SCN3B: variants seen among roughly 807,000 people sequenced by gnomAD.
The protein encoded by SCN3B is sodium voltage-gated channel beta subunit 3.
SCN3B carries 11 observed loss-of-function variants against 25.4 expected under a neutral mutation model. That is an observed-to-expected ratio of 0.43 (90% CI 0.27 to 0.72). The LOEUF (loss-of-function observed/expected upper bound fraction) is 0.72. Ranked by LOEUF, SCN3B falls within the 30% of genes least tolerant of loss-of-function variation. The pLI, the probability that SCN3B is intolerant of heterozygous loss-of-function variation, is 0.18. For missense variants in SCN3B, 218 were observed against 278.3 expected (o/e 0.78, Z 1.54); for synonymous variants, 109 against 110.7 (o/e 0.99, Z 0.09).
intron 4 of SCN3B, among the ~76,000 whole-genome samples, chr11:123,641,370 G>T (rs1331129008): frequency 3.9e-5 from 6 of 152,160 alleles, no homozygotes; most frequent in Non-Finnish European, 8.8e-5. Context: ...CGTCTGATCC[G>T]TTATGTCTCT....
chr11:123,633,862 T>G, intron 6 of SCN3B, 86 bp from the exon 7 acceptor site: 1 of 409,666 alleles, frequency 2.4e-6, no homozygotes, highest in East Asian at 5.3e-5. Context: ...AAGAAGGGAG[T>G]TGGAGAATCC....
Position 123,642,423 on chromosome 11 carries a change from G to A in SCN3B, c.445+23C>T. 6.2e-7 allele frequency: 1 copy of A among 1,612,048 alleles called. No individual in the cohort carries two copies. The highest frequency in any genetic ancestry group is 2.2e-5 in the East Asian group (1 of 44,870). ...TGTCCACAGAGAGCAGGACGCCCTA[G>A]AGACCCTGTGCCTCAGCCTCACCCT... On this transcript the variant is annotated intron_variant, in intron 4 of 6. Transcript: ENST00000299333. This position sits in a 1 kb window ranked among gnomAD's most constrained non-coding sequence, Gnocchi z 4.3.
chr11:123,645,855 G>A (rs1955848384), intron 2 of SCN3B, 105 bp from the exon 3 acceptor site: 1 of 1,373,702 alleles, frequency 7.3e-7, no homozygotes, highest in East Asian at 2.3e-5. Context: ...GACAGAGAAG[G>A]AAGAGTCATG....
chr11:123,649,147 A>G (rs1258103168), intron 2 of SCN3B, among the ~76,000 whole-genome samples: 1 of 152,220 alleles, frequency 6.6e-6, no homozygotes, highest in Non-Finnish European at 1.5e-5. Context: ...GTGGAGTTTG[A>G]AAGAAATGAA....
chr11:123,643,915 A>G (rs1186324153), intron 3 of SCN3B, among the ~76,000 whole-genome samples: 14 of 152,342 alleles, frequency 9.2e-5, no homozygotes, highest in Admixed American at 2.6e-4. Context: ...CAGTCTTAGT[A>G]CCAGACGGTT....
chr11:123,636,725 G>A (rs1016217196), intron 5 of SCN3B, among the ~76,000 whole-genome samples: 2 of 149,494 alleles, frequency 1.3e-5, no homozygotes, highest in African/African-American at 4.9e-5. Context: ...ATGGAGTCTC[G>A]CTCTGTCGCC....
Position 123,653,475 on chromosome 11 carries a change from GA to G in SCN3B, c.55+271del, listed in dbSNP as rs1429318078. Among the ~76,000 whole-genome samples, 21 of 152,170 alleles carry G rather than the reference GA, an allele frequency of 1.4e-4. No individual in the cohort carries two copies. The South Asian group carries it at 4.4e-3, about 32-fold the overall frequency. ...CATTTCCTTTCAGCAAAGGGAAAGG[GA>G]AAAAATACTTTGGAATGATCAGGAA... On this transcript the variant is annotated intron_variant, in intron 2 of 6. Coordinates refer to ENST00000299333, the MANE Select transcript of SCN3B (RefSeq NM_001040151.2).
chr11:123,653,732 G>C lies in SCN3B; in HGVS notation c.55+15C>G. ...CTGTTACCTGCATCCGGCATGGCGA[G>C]GTGCTGGTACTTACCCCAGTAGATA... is the stretch of plus-strand genomic sequence containing the variant. On this transcript the variant is annotated intron_variant, in intron 2 of 6. Coordinates refer to ENST00000299333, the MANE Select transcript of SCN3B (RefSeq NM_001040151.2). 1 of 1,613,936 alleles carries C rather than the reference G, an allele frequency of 6.2e-7. No homozygotes were observed. The highest frequency in any genetic ancestry group is 2.2e-5 in the East Asian group (1 of 44,884).
chr11:123,652,279 T>C (rs910942666), intron 2 of SCN3B, among the ~76,000 whole-genome samples: 3 of 152,224 alleles, frequency 2.0e-5, no homozygotes, highest in African/African-American at 7.2e-5. Context: ...GGTGAGATCA[T>C]TGGCAACATA....
At chr11:123,645,868 G>A in intron 2 of SCN3B, 118 bp from the exon 3 acceptor site, 1 of 1,248,368 alleles carries the variant, frequency 8.0e-7, no homozygotes, top group Middle Eastern at 2.1e-4. Flanking sequence ...GAGTCATGAG[G>A]CCAACCTGAA....
In SCN3B at chr11:123,653,995, C is replaced by A. The variant is rs72552157; in HGVS notation, c.-25-169G>T. 2.5e-3 allele frequency: 1,585 copies of A among 632,936 alleles called. 23 individuals are homozygous for A. In the African/African-American group the frequency reaches 0.026, roughly 10 times the overall value. 39.2% of individuals were successfully genotyped at this position (632,936 alleles called of 1,614,324 possible). A position where few individuals can be genotyped will look rare whatever the true frequency, so the allele number is the denominator to read the frequency against. On this transcript the variant is annotated intron_variant, in intron 1 of 6. Transcript: ENST00000299333. ...TTTGGAGCCGGGTGGGGGCTTTGGG[C>A]CCTAAGCGACCCCACTGGACCTCCC...
chr11:123,644,788 AGAGAGAGAGAG>A (rs1955828642), intron 3 of SCN3B, among the ~76,000 whole-genome samples: 1 of 104,870 alleles, frequency 9.5e-6, no homozygotes, highest in African/African-American at 3.5e-5. Flanking sequence ...AGAGAGAGAG[AGAGAGAGAGAG>A]AATATATATA....
In SCN3B at chr11:123,642,313, T is replaced by C. The variant is rs1485859175; in HGVS notation, c.445+133A>G. On this transcript the variant is annotated intron_variant, in intron 4 of 6. Transcript: ENST00000299333. The surrounding 1 kb of genome is among the most constrained non-coding windows in gnomAD (Gnocchi z 4.3). ...AGAAGAAGATGGGTCAATGGTGACA[T>C]TTTTAGATGTCACCATTCCAAATAC... is the stretch of plus-strand genomic sequence containing the variant. The C allele has an allele frequency of 7.0e-6, 6 of 854,264 alleles. No homozygotes were observed. Among genetic ancestry groups the C allele is most frequent in the Non-Finnish European group, 1.2e-5 (6 of 517,040 alleles). 52.9% of individuals were successfully genotyped at this position (854,264 alleles called of 1,614,324 possible). A position where few individuals can be genotyped will look rare whatever the true frequency, so the allele number is the denominator to read the frequency against.
intron 2 of SCN3B, among the ~76,000 whole-genome samples, chr11:123,648,542 T>C (rs1483681443): frequency 1.3e-5 from 2 of 152,180 alleles, no homozygotes; most frequent in Non-Finnish European, 2.9e-5. Context: ...GGAGCTTACA[T>C]TCCAATGGAG....
intron 2 of SCN3B, among the ~76,000 whole-genome samples, chr11:123,651,125 G>A (rs1230454498): frequency 1.3e-5 from 2 of 150,878 alleles, no homozygotes; most frequent in Non-Finnish European, 3.0e-5. Context: ...ATTATTTATT[G>A]TATTGTATTA....
rs769024174 is a variant in SCN3B, at chr11:123,642,527, C to T, written c.364G>A (p.Val122Met). 6.2e-7 allele frequency: 1 copy of T among 1,614,198 alleles called. No homozygotes were observed. Among genetic ancestry groups the T allele is most frequent in the East Asian group, 2.2e-5 (1 of 44,888 alleles). The change falls in exon 4 of 7, where the codon GTG (valine) becomes ATG (methionine). Residue 122 changes from valine (V) to methionine (M), a missense_variant. Transcript: ENST00000299333. The surrounding 1 kb of genome is among the most constrained non-coding windows in gnomAD (Gnocchi z 4.3). Reference protein sequence around the residue: ...LNDSGLYTCNVSREFEFEAHR... With the variant: ...LNDSGLYTCNMSREFEFEAHR... Reference sequence around the variant, plus strand: ...GCCTCAAACTCAAACTCCCGGGACACATTGCAGGTGTAGAGGCCAGAGTCG... The same window carrying T: ...GCCTCAAACTCAAACTCCCGGGACATATTGCAGGTGTAGAGGCCAGAGTCG...
At chr11:123,651,610 C>T (rs184540965) in intron 2 of SCN3B, among the ~76,000 whole-genome samples, 311 of 152,304 alleles carry the variant, frequency 2.0e-3, no homozygotes, top group Non-Finnish European at 2.9e-3. Context: ...GTGATCCACC[C>T]GCCTCGGCCT....
intron 1 of SCN3B, 187 bp from the exon 2 acceptor site, chr11:123,654,013 G>T: frequency 1.7e-6 from 1 of 605,680 alleles, no homozygotes; most frequent in South Asian, 1.9e-5. Flanking sequence ...GACCCCACTG[G>T]ACCTCCCCAG....
In SCN3B at chr11:123,631,695, G is replaced by C. The variant is rs1211046711; in HGVS notation, c.*2104C>G. The C allele has an allele frequency of 6.6e-6, 1 of 152,028 alleles. No individual in the cohort carries two copies. The highest frequency in any genetic ancestry group is 1.9e-4 in the East Asian group (1 of 5,178). The allele number at this position is 152,028 out of a possible 1,614,324, so 9.4% of individuals were successfully genotyped here. ...AATACAAAAATTAGCCAGGCATGGT[G>C]GTGCATGCCTGTAGTCCCAGTTACC... On this transcript the variant is annotated 3_prime_UTR_variant, in exon 7 of 7. Coordinates refer to ENST00000299333, the MANE Select transcript of SCN3B (RefSeq NM_001040151.2).
Sources: allele counts gnomAD v4.1 joint callset (sites outside exome capture counted in the v4.1 genomes callset), GRCh38; gene constraint gnomAD v4.1.1; non-coding constraint Gnocchi (gnomAD v3.1); transcripts MANE v1.5; gene names NCBI Gene and HGNC (gene_info 2026-07-23, HGNC 2026-07-21).